Variants in TBC1D2B observed in about 807,000 individuals in gnomAD.
TBC1D2B encodes TBC1 domain family member 2B, also known as TBC1 domain family, member 2B.
TBC1D2B carries 64 observed loss-of-function variants against 100.8 expected under a neutral mutation model. The ratio of observed to expected loss-of-function variants is 0.64; its 90% CI spans 0.52 to 0.78. TBC1D2B has a LOEUF of 0.78. Ranked by LOEUF, TBC1D2B falls within the 30% of genes least tolerant of loss-of-function variation. The pLI is 0.00. For missense variants in TBC1D2B, 1,052 were observed against 1,218.4 expected (o/e 0.86, Z 2.03); for synonymous variants, 480 against 479.7 (o/e 1.00, Z -0.01).
intron 1 of TBC1D2B, among the ~76,000 whole-genome samples, chr15:78,067,396 T>A (rs566607988): frequency 6.6e-6 from 1 of 152,286 alleles, no homozygotes; most frequent in Non-Finnish European, 1.5e-5. Context: ...CTCAACAAAG[T>A]CTGTTTGGTG....
chr15:78,026,151 GTT>G (rs34676496), intron 4 of TBC1D2B, among the ~76,000 whole-genome samples: 93 of 145,552 alleles, frequency 6.4e-4, no homozygotes, highest in African/African-American at 1.7e-3. Context: ...GGTTTTTGTT[GTT>G]TTTTTTTTTT....
intron 1 of TBC1D2B, among the ~76,000 whole-genome samples, chr15:78,073,352 A>G (rs1317870127): frequency 2.0e-5 from 3 of 152,246 alleles, no homozygotes; most frequent in Admixed American, 6.5e-5. Flanking sequence ...ACACTTTTAA[A>G]TAAGAAAAAC....
chr15:78,040,784 AGAAGGAAG>A (rs1349885339), intron 3 of TBC1D2B, among the ~76,000 whole-genome samples: 2 of 143,104 alleles, frequency 1.4e-5, no homozygotes, highest in South Asian at 2.2e-4. Context: ...AAAGAAAGAA[AGAAGGAAG>A]GAAGGAAAGA....
At chr15:78,005,482 G>A (rs893185055) in intron 10 of TBC1D2B, among the ~76,000 whole-genome samples, 5 of 152,214 alleles carry the variant, frequency 3.3e-5, no homozygotes, top group South Asian at 2.1e-4. Flanking sequence ...AAAGCTATCC[G>A]CATTTTAAGA....
chr15:78,066,414 G>A (rs192336046), intron 1 of TBC1D2B, among the ~76,000 whole-genome samples: 56 of 152,280 alleles, frequency 3.7e-4, no homozygotes, highest in African/African-American at 1.1e-3. Context: ...ATTCATCATC[G>A]GGAGGAGAGC....
chr15:78,058,520 T>C (rs940367493), intron 1 of TBC1D2B, among the ~76,000 whole-genome samples: 1 of 152,192 alleles, frequency 6.6e-6, no homozygotes, highest in Admixed American at 6.5e-5. Context: ...GCTCCAAAAG[T>C]GGGGCGAGTA....
At position 78,011,854 on chromosome 15, in the gene TBC1D2B, C is replaced by A. The variant is rs555309868; in HGVS notation, c.2270+969G>T. Reference sequence around the variant, plus strand: ...TAGAGACAGGGTCTCACCATATTGGCCAGGCTGGTCTTGAACTCCTGACCT... The same window carrying A: ...TAGAGACAGGGTCTCACCATATTGGACAGGCTGGTCTTGAACTCCTGACCT... On this transcript the variant is annotated intron_variant, in intron 9 of 12. Transcript: ENST00000300584. Among the ~76,000 whole-genome samples the A allele has an allele frequency of 2.0e-3, 305 of 152,122 alleles. 1 individual carries two copies. Among genetic ancestry groups the A allele is most frequent in the Non-Finnish European group, 2.5e-3 (169 of 68,002 alleles).
intron 10 of TBC1D2B, among the ~76,000 whole-genome samples, chr15:78,007,555 G>A (rs983402123): frequency 2.0e-5 from 3 of 152,230 alleles, no homozygotes; most frequent in African/African-American, 7.2e-5. Context: ...GCAATAATGA[G>A]GACCCTCCCT....
Position 78,077,396 on chromosome 15 carries a change from T to A in TBC1D2B, c.257A>T (p.Asp86Val). 1 of 1,545,604 alleles carries A rather than the reference T, an allele frequency of 6.5e-7. No individual in the cohort carries two copies. The highest frequency in any genetic ancestry group is 8.7e-7 in the Non-Finnish European group (1 of 1,145,240). ...ALPLGHLDIA[D>V]ACFSYQGPDE... is the part of the protein sequence containing the mutation. ...GGGGCCCTGGTAGCTGAAGCAGGCG[T>A]CCGCGATGTCCAAGTGGCCGAGGGG... Residue 86 changes from aspartate to valine, a missense_variant, in exon 1 of 13, where the codon GAC (aspartate) becomes GTC (valine). By Grantham distance (152) the Asp-to-Val change is radical. Coordinates refer to ENST00000300584, the MANE Select transcript of TBC1D2B (RefSeq NM_144572.2).
At position 78,077,685 on chromosome 15, in the gene TBC1D2B, C is replaced by G. The variant is rs1464772725; in HGVS notation, c.-33G>C. ...GCGCGCCAACCGTAGGCGCCCGCGC[C>G]CTGCGCCTCCGCGCCGCGGCCGCTG... On this transcript the variant is annotated 5_prime_UTR_variant, in exon 1 of 13. Transcript: ENST00000300584. The G allele has an allele frequency of 8.1e-6, 8 of 986,134 alleles. No individual in the cohort carries two copies. The highest frequency in any genetic ancestry group is 8.4e-6 in the Non-Finnish European group (7 of 831,046). The allele number at this position is 986,134 out of a possible 1,614,324, so 61.1% of individuals were successfully genotyped here. A position where few individuals can be genotyped will look rare whatever the true frequency, so the allele number is the denominator to read the frequency against.
rs559352325 is a variant in TBC1D2B, at chr15:78,014,222, G to C, written c.1776-905C>G. 3.3e-5 allele frequency among the ~76,000 whole-genome samples: 5 copies of C among 152,278 alleles called. No individual in the cohort carries two copies. The South Asian group carries it at 6.2e-4, about 19-fold the overall frequency. On this transcript the variant is annotated intron_variant, in intron 8 of 12. Transcript: ENST00000300584. ...ATTTTAATCCAATGAGACCCATGTT[G>C]GGCTACTGACCTACAGAACTATTAA...
At chr15:78,055,418 A>C (rs917643685) in intron 1 of TBC1D2B, among the ~76,000 whole-genome samples, 4 of 152,176 alleles carry the variant, frequency 2.6e-5, no homozygotes, top group African/African-American at 9.7e-5. Flanking sequence ...GCCCCCAGCA[A>C]AGGAGTCCCA....
Position 78,044,916 on chromosome 15 carries a change from A to G in TBC1D2B, c.667T>C (p.Trp223Arg). Residue 223 changes from tryptophan to arginine, a missense_variant, in exon 3 of 13, where the codon TGG (tryptophan) becomes CGG (arginine). Around this residue, in one of 4 missense-constraint regions of TBC1D2B, gnomAD observed 627 missense variants for 646.1 expected, o/e 0.97. Coordinates refer to ENST00000300584, the MANE Select transcript of TBC1D2B (RefSeq NM_144572.2). The part of the protein sequence containing the change: ...NSINFYSLKQ[W>R]GNELKNSMSS... ...AAGACTCACTTGAGCTCATTGCCCC[A>G]CTGTTTCAAAGAGTAAAAATTAATG... is the stretch of plus-strand genomic sequence containing the variant. The G allele has an allele frequency of 6.2e-7, 1 of 1,611,810 alleles. No individual in the cohort carries two copies. The highest frequency in any genetic ancestry group is 8.5e-7 in the Non-Finnish European group (1 of 1,178,752).
In TBC1D2B at chr15:78,024,385, C is replaced by A; in HGVS notation, c.1241G>T (p.Arg414Met). The change falls in exon 6 of 13, where the codon AGG (arginine) becomes ATG (methionine). Residue 414 changes from arginine (R) to methionine (M), a missense_variant. Coordinates refer to ENST00000300584, the MANE Select transcript of TBC1D2B (RefSeq NM_144572.2). The stretch of plus-strand genomic sequence containing the variant: ...AAGACTCTCCTTCTCCAAGCTGAAC[C>A]TCTCCAGCTGGCTGGTAAGGCCCAG... ...QILGLTSQLERFSLEKESLQQ... is the reference protein window; with the variant it reads ...QILGLTSQLEMFSLEKESLQQ... 1.9e-6 allele frequency: 3 copies of A among 1,614,058 alleles called. No individual in the cohort carries two copies. Among genetic ancestry groups the A allele is most frequent in the Non-Finnish European group, 1.7e-6 (2 of 1,179,910 alleles).
At chr15:78,041,719 C>A (rs1032119706) in intron 3 of TBC1D2B, among the ~76,000 whole-genome samples, 1 of 151,914 alleles carries the variant, frequency 6.6e-6, no homozygotes, top group African/African-American at 2.4e-5. Flanking sequence ...AACAAAAAAC[C>A]ATAAACACTT....
chr15:78,077,676 C>G lies in TBC1D2B; in HGVS notation c.-24G>C. On this transcript the variant is annotated 5_prime_UTR_variant, in exon 1 of 13. Transcript: ENST00000300584. ...ATCGCTACCGCGCGCCAACCGTAGGCGCCCGCGCCCTGCGCCTCCGCGCCG... is the reference window on the plus strand; with the variant it reads ...ATCGCTACCGCGCGCCAACCGTAGGGGCCCGCGCCCTGCGCCTCCGCGCCG... 1 of 986,788 alleles carries G rather than the reference C, an allele frequency of 1.0e-6. No homozygotes were observed. Among genetic ancestry groups the G allele is most frequent in the Non-Finnish European group, 1.2e-6 (1 of 831,628 alleles). 61.1% of individuals were successfully genotyped at this position (986,788 alleles called of 1,614,324 possible). A position where few individuals can be genotyped will look rare whatever the true frequency, so the allele number is the denominator to read the frequency against.
chr15:78,066,250 A>G (rs2073655165), intron 1 of TBC1D2B: 2 of 337,578 alleles, frequency 5.9e-6, no homozygotes, highest in Non-Finnish European at 1.2e-5. Context: ...CTCAGAATGC[A>G]AAGAAGATAT....
At chr15:78,032,242 C>A (rs2141722559) in intron 3 of TBC1D2B, among the ~76,000 whole-genome samples, 1 of 152,268 alleles carries the variant, frequency 6.6e-6, no homozygotes, top group East Asian at 1.9e-4. Context: ...TGGAAAACCT[C>A]ATAATTCACA....
At chr15:77,999,927 A>G (rs1032384565) in intron 12 of TBC1D2B, among the ~76,000 whole-genome samples, 6 of 152,134 alleles carry the variant, frequency 3.9e-5, no homozygotes, top group Admixed American at 1.3e-4. Flanking sequence ...GCTGCAGAAC[A>G]TGGTTCAATC....
Sources: allele counts gnomAD v4.1 joint callset (sites outside exome capture counted in the v4.1 genomes callset), GRCh38; gene constraint gnomAD v4.1.1; regional missense constraint gnomAD v4.1.1; transcripts MANE v1.5; gene names NCBI Gene and HGNC (gene_info 2026-07-23, HGNC 2026-07-21).